The following BCL2 variants were observed in gnomAD, a reference collection of about 807,000 sequenced individuals.
The protein encoded by BCL2 is BCL2 apoptosis regulator, also known as apoptosis regulator Bcl-2.
A neutral mutation model predicts 14.2 loss-of-function variants in BCL2; 1 was observed. The ratio of observed to expected loss-of-function variants is 0.07; its 90% CI spans 0.02 to 0.33. The LOEUF (loss-of-function observed/expected upper bound fraction) is 0.33. Among genes scored for constraint, BCL2 ranks in the 10% least tolerant of loss-of-function variants. The probability of loss-of-function intolerance (pLI) is 0.99; values close to 1 mark genes in which losing one functional copy is unlikely to be tolerated. For missense variants in BCL2, 247 were observed against 305.9 expected (o/e 0.81, Z 1.44); for synonymous variants, 151 against 137.2 (o/e 1.10, Z -0.70).
chr18:63,207,099 G>T (rs944444717), intron 2 of BCL2, among the ~76,000 whole-genome samples: 1 of 152,210 alleles, frequency 6.6e-6, no homozygotes, highest in Non-Finnish European at 1.5e-5. Context: ...TAGGAATACA[G>T]TTTTATGATT....
At chr18:63,292,728 T>C (rs1245909614) in intron 2 of BCL2, among the ~76,000 whole-genome samples, 1 of 152,222 alleles carries the variant, frequency 6.6e-6, no homozygotes, top group African/African-American at 2.4e-5. Flanking sequence ...TCTCCTTGAT[T>C]CTGGGAGTGA....
At chr18:63,166,459 T>A (rs1363665438) in intron 2 of BCL2, among the ~76,000 whole-genome samples, 11 of 152,206 alleles carry the variant, frequency 7.2e-5, no homozygotes, top group Admixed American at 7.2e-4. Flanking sequence ...TGTCACTGGC[T>A]GGGAGGACAC....
chr18:63,173,524 G>A (rs1013171103), intron 2 of BCL2, among the ~76,000 whole-genome samples: 5 of 152,182 alleles, frequency 3.3e-5, no homozygotes, highest in East Asian at 1.9e-4. Context: ...TTCGGAAAGC[G>A]GATGGAGGAA....
intron 2 of BCL2, among the ~76,000 whole-genome samples, chr18:63,156,856 C>T (rs1914796881): frequency 6.6e-6 from 1 of 152,204 alleles, no homozygotes; most frequent in Middle Eastern, 3.2e-3. Context: ...GAAACGCTTG[C>T]CCAGGAGGCG....
At chr18:63,188,343 C>T (rs1181807911) in intron 2 of BCL2, among the ~76,000 whole-genome samples, 1 of 152,140 alleles carries the variant, frequency 6.6e-6, no homozygotes, top group Non-Finnish European at 1.5e-5. Flanking sequence ...ATGGCAGGGC[C>T]TCTGCTTCCT....
intron 2 of BCL2, among the ~76,000 whole-genome samples, chr18:63,306,981 C>T (rs538328277): frequency 3.3e-5 from 5 of 152,180 alleles, no homozygotes; most frequent in African/African-American, 7.2e-5. Context: ...TCAGCCACGC[C>T]GCTCTGGCTC....
Position 63,125,841 on chromosome 18 carries a change from T to C in BCL2, c.*2784A>G. ...GGGCCAAGAGGCTGGGCACATTTAC[T>C]GTTATTAAAACCAGGTAACAAAACC... On this transcript the variant is annotated 3_prime_UTR_variant, in exon 3 of 3. Transcript: ENST00000333681. The C allele has an allele frequency of 4.6e-6, 1 of 217,258 alleles. No homozygotes were observed. Among genetic ancestry groups the C allele is most frequent in the Non-Finnish European group, 9.3e-6 (1 of 107,784 alleles). 13.5% of individuals were successfully genotyped at this position (217,258 alleles called of 1,614,324 possible).
chr18:63,313,478 G>T (rs1913399673), intron 2 of BCL2, among the ~76,000 whole-genome samples: 1 of 152,174 alleles, frequency 6.6e-6, no homozygotes, highest in African/African-American at 2.4e-5. Context: ...CCTGAATAAG[G>T]TGATATTAGA....
chr18:63,196,900 G>A (rs569870911), intron 2 of BCL2, among the ~76,000 whole-genome samples: 202 of 152,236 alleles, frequency 1.3e-3, no homozygotes, highest in Admixed American at 2.1e-3. Flanking sequence ...ACTCCACAGT[G>A]CAACTTACTT....
chr18:63,247,206 T>A (rs1226547515), intron 2 of BCL2, among the ~76,000 whole-genome samples: 4 of 152,020 alleles, frequency 2.6e-5, no homozygotes, highest in Non-Finnish European at 5.9e-5. Context: ...CAGGATTTTT[T>A]TTTTTTTTTT....
Position 63,145,030 on chromosome 18 carries a change from C to T in BCL2, c.586-16271G>A, listed in dbSNP as rs576886619. On this transcript the variant is annotated intron_variant, in intron 2 of 2. Transcript: ENST00000333681. Reference sequence around the variant, plus strand: ...AATGTTGTATGATATAGACTCAAATCCCCAAAGAGAAATTCTTTCCATATT... The same window carrying T: ...AATGTTGTATGATATAGACTCAAATTCCCAAAGAGAAATTCTTTCCATATT... Among the ~76,000 whole-genome samples, 8 of 152,298 alleles carry T rather than the reference C, an allele frequency of 5.3e-5. No homozygotes were observed. The East Asian group carries it at 1.5e-3, about 29-fold the overall frequency.
At chr18:63,306,198 C>T (rs1247131329) in intron 2 of BCL2, among the ~76,000 whole-genome samples, 1 of 152,222 alleles carries the variant, frequency 6.6e-6, no homozygotes, top group East Asian at 1.9e-4. Context: ...AGAACTGAGC[C>T]ATGTTCTAAA....
intron 2 of BCL2, among the ~76,000 whole-genome samples, chr18:63,287,489 G>A (rs902627963): frequency 6.6e-5 from 10 of 152,268 alleles, no homozygotes; most frequent in Admixed American, 4.6e-4. Flanking sequence ...AGGGCTAAGG[G>A]TTAGGGGGTG....
rs1169721469 is a variant in BCL2 at position 63,149,742 on chromosome 18, A to C, written c.586-20983T>G. On this transcript the variant is annotated intron_variant, in intron 2 of 2. Transcript: ENST00000333681. This position sits in a 1 kb window ranked among gnomAD's most constrained non-coding sequence, Gnocchi z 4.2. ...AACAGTGAAGAAGAGAGGAGATGTC[A>C]CTAATAATATTGATTTTTAACCCTT... Among the ~76,000 whole-genome samples the C allele has an allele frequency of 6.6e-6, 1 of 152,224 alleles. No individual in the cohort carries two copies. The highest frequency in any genetic ancestry group is 1.5e-5 in the Non-Finnish European group (1 of 68,048).
intron 2 of BCL2, among the ~76,000 whole-genome samples, chr18:63,199,525 A>G (rs1388907617): frequency 1.3e-5 from 2 of 150,336 alleles, no homozygotes; most frequent in East Asian, 3.9e-4. Flanking sequence ...GACACACACA[A>G]CACACAGACA....
At chr18:63,214,487 GT>G (rs1910142976) in intron 2 of BCL2, among the ~76,000 whole-genome samples, 2 of 152,296 alleles carry the variant, frequency 1.3e-5, no homozygotes, top group East Asian at 3.9e-4. Context: ...CCATCCATCT[GT>G]GTATTTTCAA....
At chr18:63,308,459 T>A (rs1203108680) in intron 2 of BCL2, among the ~76,000 whole-genome samples, 9 of 152,180 alleles carry the variant, frequency 5.9e-5, no homozygotes, top group Admixed American at 5.9e-4. Flanking sequence ...TGGGTTAGGC[T>A]TGAGATGTGA....
intron 2 of BCL2, among the ~76,000 whole-genome samples, chr18:63,284,522 G>A (rs980169267): frequency 1.3e-5 from 2 of 152,184 alleles, no homozygotes; most frequent in Non-Finnish European, 2.9e-5. Flanking sequence ...TTTGAAACAA[G>A]GCAGACTTTG....
At chr18:63,159,496 C>T (rs183294879) in intron 2 of BCL2, among the ~76,000 whole-genome samples, 1 of 152,202 alleles carries the variant, frequency 6.6e-6, no homozygotes, top group African/African-American at 2.4e-5. Context: ...AAAACTAGTA[C>T]AAGTATGAAT....
Sources: gnomAD v4.1 joint callset for allele counts (sites outside exome capture counted in the v4.1 genomes callset) on GRCh38, gnomAD v4.1.1 for gene constraint, Gnocchi (gnomAD v3.1) non-coding constraint, MANE v1.5 for transcripts, NCBI Gene and HGNC (gene_info 2026-07-23, HGNC 2026-07-21) for gene names.